The following PTGER3 variants were observed in gnomAD, a reference collection of about 807,000 sequenced individuals.
The protein encoded by PTGER3 is prostaglandin E2 receptor EP3 subtype.
In PTGER3, 22 loss-of-function variants were observed where a neutral mutation model predicts 34.7. That is an observed-to-expected ratio of 0.63 (90% confidence interval 0.45 to 0.91). The LOEUF (loss-of-function observed/expected upper bound fraction) is 0.91, where lower values mean the gene tolerates loss of function less well. PTGER3 is among the 40% of genes least tolerant of loss of function. PTGER3 has a pLI of 0.00. For synonymous variants in PTGER3, 241 were observed against 230.1 expected (o/e 1.05, Z -0.43); for missense variants, 468 against 519.4 (o/e 0.90, Z 0.96).
At chr1:70,948,732 T>C (rs1390296765), downstream of PTGER3, among the ~76,000 whole-genome samples, 1 of 152,182 alleles carries the variant, frequency 6.6e-6, no homozygotes, top group Non-Finnish European at 1.5e-5. Context: ...CATGTTTCAC[T>C]GAAGCAGATT....
At chr1:70,892,877 A>G (rs1646648247) in intron 4 of PTGER3, among the ~76,000 whole-genome samples, 1 of 151,878 alleles carries the variant, frequency 6.6e-6, no homozygotes, top group Non-Finnish European at 1.5e-5. Context: ...AAGAGTAGGA[A>G]CATTTCTTAC....
intron 1 of PTGER3, among the ~76,000 whole-genome samples, chr1:71,013,197 A>G (rs1657602597): frequency 6.6e-6 from 1 of 152,180 alleles, no homozygotes; most frequent in Non-Finnish European, 1.5e-5. Flanking sequence ...TAGGTAGCAG[A>G]TAGCAGATGT....
intron 4 of PTGER3, among the ~76,000 whole-genome samples, chr1:70,912,177 A>G (rs1025857668): frequency 1.3e-5 from 2 of 151,924 alleles, no homozygotes; most frequent in African/African-American, 4.8e-5. Context: ...ATTATGTGAA[A>G]TTTTCCCATC....
chr1:71,005,262 A>C (rs550362906), intron 2 of PTGER3, among the ~76,000 whole-genome samples: 1 of 152,308 alleles, frequency 6.6e-6, no homozygotes, highest in Admixed American at 6.5e-5. Flanking sequence ...GGTTATATAG[A>C]AAGGATCTAT....
At chr1:70,955,874 A>G (rs1651273645) in intron 2 of PTGER3, among the ~76,000 whole-genome samples, 1 of 152,112 alleles carries the variant, frequency 6.6e-6, no homozygotes, top group Admixed American at 6.5e-5. Flanking sequence ...TTATACATTT[A>G]TTTTTTGGAC....
chr1:70,855,926 C>T (rs965014825), intron 4 of PTGER3, among the ~76,000 whole-genome samples: 2 of 151,918 alleles, frequency 1.3e-5, no homozygotes, highest in Non-Finnish European at 2.9e-5. Context: ...CTGAGAGGAG[C>T]GATATGGGCT....
intron 4 of PTGER3, among the ~76,000 whole-genome samples, chr1:70,897,954 A>G (rs763904391): frequency 6.6e-6 from 1 of 152,072 alleles, no homozygotes; most frequent in Non-Finnish European, 1.5e-5. Flanking sequence ...TACTTAATCT[A>G]TTTGAACATA....
At chr1:70,865,606 A>G (rs1020631719) in intron 4 of PTGER3, 3 of 1,281,290 alleles carry the variant, frequency 2.3e-6, no homozygotes, top group Non-Finnish European at 3.1e-6. Flanking sequence ...ATGGTAAGTT[A>G]TTTTTGGAGC....
intron 1 of PTGER3, among the ~76,000 whole-genome samples, chr1:71,013,646 G>T (rs1657640578): frequency 6.6e-6 from 1 of 150,720 alleles, no homozygotes; most frequent in East Asian, 1.9e-4. Context: ...AGGTTGCAGT[G>T]AGCCAGGATC....
intron 4 of PTGER3, among the ~76,000 whole-genome samples, chr1:70,925,073 C>T (rs1396828079): frequency 6.6e-6 from 1 of 152,200 alleles, no homozygotes; most frequent in African/African-American, 2.4e-5. Flanking sequence ...GGCATGATTT[C>T]CACTCACTGC....
At chr1:70,893,213 T>C (rs1315961241) in intron 4 of PTGER3, among the ~76,000 whole-genome samples, 1 of 152,168 alleles carries the variant, frequency 6.6e-6, no homozygotes, top group East Asian at 1.9e-4. Flanking sequence ...TCTAGCCTAA[T>C]TTTCTAATAA....
chr1:70,865,927 G>T, intron 4 of PTGER3: 2 of 689,244 alleles, frequency 2.9e-6, no homozygotes, highest in South Asian at 1.9e-5. Context: ...ACCTTTCCTG[G>T]ACTGTCATCC....
chr1:71,034,099 T>A (rs1186433550), intron 1 of PTGER3, among the ~76,000 whole-genome samples: 1 of 152,164 alleles, frequency 6.6e-6, no homozygotes, highest in Non-Finnish European at 1.5e-5. Flanking sequence ...TTGATAGGAT[T>A]TCTTTGTAAT....
In PTGER3 at chr1:70,853,018, T is replaced by C. The variant is rs921623957; in HGVS notation, c.*24-159A>G. 9.9e-6 allele frequency: 9 copies of C among 909,162 alleles called. No individual in the cohort carries two copies. The African/African-American group carries it at 1.3e-4, about 14-fold the overall frequency. 56.3% of individuals were successfully genotyped at this position (909,162 alleles called of 1,614,324 possible). ...AACAAGAACAAGAACAAGAACGAAG[T>C]TGTGTGACAGTAATAGTGAAAAATG... On this transcript the variant is annotated intron_variant, in intron 4 of 4. Transcript: ENST00000370931.
intron 1 of PTGER3, among the ~76,000 whole-genome samples, chr1:71,035,516 C>T (rs547823644): frequency 6.6e-6 from 1 of 152,306 alleles, no homozygotes; most frequent in South Asian, 2.1e-4. Flanking sequence ...AGGAAGAAGG[C>T]TTTTCTTTAT....
chr1:70,886,375 T>C (rs746571162), intron 4 of PTGER3: 35 of 430,690 alleles, frequency 8.1e-5, no homozygotes, highest in Non-Finnish European at 1.4e-4. Flanking sequence ...GTCTGTGGTA[T>C]CTTGTTATAG....
At chr1:70,906,534 G>T (rs1316841659) in intron 4 of PTGER3, among the ~76,000 whole-genome samples, 3 of 152,058 alleles carry the variant, frequency 2.0e-5, no homozygotes, top group African/African-American at 7.2e-5. Context: ...GAAAAAATGA[G>T]CTCTGGCATC....
At chr1:71,046,513 G>C (rs1213628928) in intron 1 of PTGER3, among the ~76,000 whole-genome samples, 168 bp downstream of exon 1, 1 of 152,186 alleles carries the variant, frequency 6.6e-6, no homozygotes, top group Non-Finnish European at 1.5e-5. Flanking sequence ...AGTAAGTGAG[G>C]AGCTCAGCTC....
Position 70,935,672 on chromosome 1 carries a change from A to ATATATATAT in PTGER3, c.*23+18090_*23+18091insATATATATA, listed in dbSNP as rs59431299. On this transcript the variant is annotated intron_variant, in intron 4 of 4. Coordinates refer to the PTGER3 transcript ENST00000370931. The stretch of plus-strand genomic sequence containing the variant: ...TGTTGGTACTAAGGATACAAATATA[A>ATATATATAT]ATATATATATATATATATATATGTT... Among the ~76,000 whole-genome samples, 1,087 of 140,126 alleles carry ATATATATAT rather than the reference A, an allele frequency of 7.8e-3. 8 individuals are homozygous for ATATATATAT. The highest frequency in any genetic ancestry group is 9.0e-3 in the African/African-American group (327 of 36,414). The allele number at this position is 140,126 out of a possible 152,430, so 91.9% of individuals were successfully genotyped here.
Sources: gnomAD v4.1 joint callset for allele counts (sites outside exome capture counted in the v4.1 genomes callset) on GRCh38, gnomAD v4.1.1 for gene constraint, MANE v1.5 for transcripts, NCBI Gene and HGNC (gene_info 2026-07-23, HGNC 2026-07-21) for gene names.